OSBP2: variants seen among roughly 807,000 people sequenced by gnomAD.
The protein encoded by OSBP2 is oxysterol-binding protein 2.
OSBP2 carries 66 observed loss-of-function variants against 96.0 expected under a neutral mutation model. The ratio of observed to expected loss-of-function variants is 0.69; its 90% CI spans 0.56 to 0.84. The LOEUF (loss-of-function observed/expected upper bound fraction) is 0.84. OSBP2 is among the 40% of genes least tolerant of loss of function. The pLI is 0.00. For missense variants in OSBP2, 1,038 were observed against 1,222.7 expected (o/e 0.85, Z 2.25); for synonymous variants, 525 against 520.9 (o/e 1.01, Z -0.11).
At chr22:30,757,499 C>T (rs2145766496) in intron 2 of OSBP2, among the ~76,000 whole-genome samples, 1 of 151,980 alleles carries the variant, frequency 6.6e-6, no homozygotes, top group East Asian at 1.9e-4. Flanking sequence ...CTCACTGCAA[C>T]CTCCGCCTCC....
At chr22:30,758,535 T>G (rs1382334405) in intron 2 of OSBP2, among the ~76,000 whole-genome samples, 1 of 152,078 alleles carries the variant, frequency 6.6e-6, no homozygotes, top group African/African-American at 2.4e-5. Context: ...AGGTTACAAT[T>G]TTTTCCCTCC....
At chr22:30,876,521 T>C (rs2039582574) in intron 3 of OSBP2, among the ~76,000 whole-genome samples, 1 of 152,236 alleles carries the variant, frequency 6.6e-6, no homozygotes, top group African/African-American at 2.4e-5. Flanking sequence ...GGTATGGGGT[T>C]CACACGATTC....
chr22:30,810,799 G>A lies in OSBP2; in HGVS notation c.854-59630G>A, dbSNP rs148053155. Among the ~76,000 whole-genome samples the A allele has an allele frequency of 4.9e-3, 745 of 152,204 alleles. 5 individuals are homozygous for A. Among genetic ancestry groups the A allele is most frequent in the African/African-American group, 0.015 (623 of 41,532 alleles). ...CAGGTTGGTCTGTGTGCACTGATGC[G>A]GTGGCTTCTCTGATGTGATCTCTGG... is the stretch of plus-strand genomic sequence containing the variant. On this transcript the variant is annotated intron_variant, in intron 2 of 13. Coordinates refer to ENST00000332585, the MANE Select transcript of OSBP2 (RefSeq NM_030758.4).
chr22:30,716,049 T>C (rs1216162278), intron 1 of OSBP2, among the ~76,000 whole-genome samples: 3 of 151,142 alleles, frequency 2.0e-5, no homozygotes, highest in Admixed American at 6.6e-5. Flanking sequence ...TCTTTCTTTT[T>C]TTTTTTTTTG....
upstream of OSBP2, chr22:30,694,406 C>A: frequency 1.4e-6 from 2 of 1,456,738 alleles, no homozygotes; most frequent in Non-Finnish European, 1.8e-6. Context: ...GTGCTTCGTG[C>A]GCATTTCGTG....
At position 30,881,572 on chromosome 22, in the gene OSBP2, TG is replaced by T; in HGVS notation, c.1108-5851del. 1 of 988,334 alleles carries T rather than the reference TG, an allele frequency of 1.0e-6. No homozygotes were observed. The highest frequency in any genetic ancestry group is 1.4e-6 in the Non-Finnish European group (1 of 729,762). 61.2% of individuals were successfully genotyped at this position (988,334 alleles called of 1,614,324 possible). A position where few individuals can be genotyped will look rare whatever the true frequency, so the allele number is the denominator to read the frequency against. ...AATGAGACCACGTTCAGGCCTGGGC[TG>T]GGTCAGCCAGGCCCTCCCTGGGCCC... On this transcript the variant is annotated intron_variant, in intron 3 of 13. Coordinates refer to ENST00000332585, the MANE Select transcript of OSBP2 (RefSeq NM_030758.4). The surrounding 1 kb of genome is among the most constrained non-coding windows in gnomAD (Gnocchi z 4.5).
chr22:30,714,942 G>C (rs911171123), intron 1 of OSBP2, among the ~76,000 whole-genome samples: 1 of 152,048 alleles, frequency 6.6e-6, no homozygotes, highest in Non-Finnish European at 1.5e-5. Context: ...GGATATATAC[G>C]CAAAAGTGGT....
chr22:30,715,608 A>T (rs1016695715), intron 1 of OSBP2, among the ~76,000 whole-genome samples: 1 of 150,846 alleles, frequency 6.6e-6, no homozygotes, highest in Non-Finnish European at 1.5e-5. Flanking sequence ...CTGGAGTGCA[A>T]TGGCGCCATC....
At chr22:30,875,248 A>G (rs1388289405) in intron 3 of OSBP2, among the ~76,000 whole-genome samples, 1 of 151,838 alleles carries the variant, frequency 6.6e-6, no homozygotes, top group East Asian at 1.9e-4. Context: ...CAGAGGGATC[A>G]CCTGGCCCAG....
intron 1 of OSBP2, among the ~76,000 whole-genome samples, chr22:30,730,809 AT>A (rs1322802087): frequency 6.6e-4 from 14 of 21,274 alleles, no homozygotes; most frequent in East Asian, 2.5e-3. Context: ...TATATATATA[AT>A]TTTTTTTTTT....
chr22:30,822,128 G>A (rs1167710011), intron 2 of OSBP2, among the ~76,000 whole-genome samples: 1 of 152,200 alleles, frequency 6.6e-6, no homozygotes, highest in African/African-American at 2.4e-5. Context: ...AAGATGAGAG[G>A]GTCTCAGAGG....
intron 3 of OSBP2, among the ~76,000 whole-genome samples, chr22:30,875,722 G>A (rs1225165147): frequency 6.6e-6 from 1 of 152,194 alleles, no homozygotes; most frequent in Non-Finnish European, 1.5e-5. Context: ...TGTGGGCCTT[G>A]GAAGGACCCT....
At chr22:30,864,095 C>T (rs1019962153) in intron 2 of OSBP2, among the ~76,000 whole-genome samples, 28 of 151,904 alleles carry the variant, frequency 1.8e-4, no homozygotes, top group African/African-American at 5.3e-4. Context: ...CTCAGCCTCT[C>T]GAGTAGCTGG....
At chr22:30,889,993 C>T (rs955884484) in intron 7 of OSBP2, among the ~76,000 whole-genome samples, 1 of 152,100 alleles carries the variant, frequency 6.6e-6, no homozygotes, top group Admixed American at 6.5e-5. Context: ...GTGGGCCCTC[C>T]TTCAGCTGGC....
intron 12 of OSBP2, chr22:30,894,595 T>C (rs879463388): frequency 6.6e-6 from 1 of 152,510 alleles, no homozygotes; most frequent in Non-Finnish European, 1.5e-5. Flanking sequence ...TTCTGTAAGC[T>C]TGCTCAGCAA....
chr22:30,830,974 T>A (rs1462528540), intron 2 of OSBP2, among the ~76,000 whole-genome samples: 3 of 152,212 alleles, frequency 2.0e-5, no homozygotes, highest in Non-Finnish European at 2.9e-5. Context: ...GTTGGAAGGC[T>A]GTGGAATGCC....
chr22:30,826,879 G>C (rs901670280), intron 2 of OSBP2, among the ~76,000 whole-genome samples: 1 of 152,150 alleles, frequency 6.6e-6, no homozygotes, highest in Non-Finnish European at 1.5e-5. Context: ...ACTCAGGCTG[G>C]AGTCTTTCCT....
intron 2 of OSBP2, among the ~76,000 whole-genome samples, chr22:30,855,194 CT>C (rs1230632009): frequency 1.3e-5 from 2 of 152,156 alleles, no homozygotes; most frequent in Non-Finnish European, 2.9e-5. Flanking sequence ...CTGAAAATAT[CT>C]TTTTCCCCTT....
At chr22:30,824,201 C>T (rs1332376424) in intron 2 of OSBP2, among the ~76,000 whole-genome samples, 2 of 152,156 alleles carry the variant, frequency 1.3e-5, no homozygotes, top group Non-Finnish European at 2.9e-5. Context: ...GGCCAGCCAG[C>T]CTTCCATCTT....
Sources: allele counts gnomAD v4.1 joint callset (sites outside exome capture counted in the v4.1 genomes callset), GRCh38; gene constraint gnomAD v4.1.1; non-coding constraint Gnocchi (gnomAD v3.1); transcripts MANE v1.5; gene names NCBI Gene and HGNC (gene_info 2026-07-23, HGNC 2026-07-21).